Variants in SPATA7 observed in about 807,000 individuals in gnomAD.
SPATA7 encodes the protein spermatogenesis-associated protein 7.
A neutral mutation model predicts 51.8 loss-of-function variants in SPATA7; 43 were observed. The ratio of observed to expected loss-of-function variants is 0.83; its 90% CI spans 0.65 to 1.07. SPATA7 has a LOEUF of 1.07. Among genes scored for constraint, SPATA7 ranks in the 50% least tolerant of loss-of-function variants. SPATA7 has a pLI of 0.00. For synonymous variants in SPATA7, 230 were observed against 252.8 expected, an observed-to-expected ratio of 0.91 and a Z score of 0.86; for missense variants, 683 against 701.3, an observed-to-expected ratio of 0.97 and a Z score of 0.30.
intron 4 of SPATA7, among the ~76,000 whole-genome samples, chr14:88,461,993 A>T (rs532052679): frequency 5.9e-5 from 9 of 152,190 alleles, no homozygotes; most frequent in Admixed American, 2.6e-4. Flanking sequence ...AGTTTTTTCA[A>T]CCTGTTTGTT....
At chr14:88,395,256 T>A (rs1257379609) in intron 3 of SPATA7, among the ~76,000 whole-genome samples, 2 of 152,058 alleles carry the variant, frequency 1.3e-5, no homozygotes, top group Non-Finnish European at 2.9e-5. Flanking sequence ...CAGACCTTAT[T>A]TGAATTTCAC....
At chr14:88,464,497 G>T (rs1287854221) in intron 4 of SPATA7, among the ~76,000 whole-genome samples, 1 of 152,050 alleles carries the variant, frequency 6.6e-6, no homozygotes, top group Admixed American at 6.6e-5. Context: ...TTGGGAGGCC[G>T]ATGCTGGCAG....
chr14:88,385,680 G>T lies in SPATA7; in HGVS notation c.-139G>T, dbSNP rs1289503020. The T allele has an allele frequency of 4.8e-6, 4 of 829,694 alleles. No individual in the cohort carries two copies. The East Asian group carries it at 7.9e-5, about 16-fold the overall frequency. The allele number at this position is 829,694 out of a possible 1,614,324, so 51.4% of individuals were successfully genotyped here. ...TCACTGGACCCAGCCCTTAGCAACG[G>T]CCTGGCAACGGTTTCCCTGCTGCTG... On this transcript the variant is annotated 5_prime_UTR_variant, in exon 1 of 12. Coordinates refer to ENST00000393545, the MANE Select transcript of SPATA7 (RefSeq NM_018418.5).
chr14:88,428,244 A>G (rs2076849818), intron 7 of SPATA7: 1 of 152,018 alleles, frequency 6.6e-6, no homozygotes, highest in African/African-American at 2.4e-5. Context: ...TTTGAGTCTG[A>G]TTTTGAGATA....
At position 88,469,971 on chromosome 14, in the gene SPATA7, A is replaced by G; in HGVS notation, c.*104A>G. 4 of 1,614,078 alleles carry G rather than the reference A, an allele frequency of 2.5e-6. No individual in the cohort carries two copies. The highest frequency in any genetic ancestry group is 2.5e-6 in the Non-Finnish European group (3 of 1,179,950). On this transcript the variant is annotated 3_prime_UTR_variant, in exon 5 of 5. Transcript: ENST00000556406. This position sits in a 1 kb window ranked among gnomAD's most constrained non-coding sequence, Gnocchi z 4.3. ...AATTGCAATTCCCTGTTCCCATACCATCTGCCAAAAATCTTGACAGGTATT... is the reference window on the plus strand; with the variant it reads ...AATTGCAATTCCCTGTTCCCATACCGTCTGCCAAAAATCTTGACAGGTATT...
chr14:88,437,502 T>G lies in SPATA7; in HGVS notation c.1161-41T>G, dbSNP rs750739076. The G allele has an allele frequency of 3.5e-6, 5 of 1,430,202 alleles. No individual in the cohort carries two copies. The South Asian group carries it at 5.8e-5, about 17-fold the overall frequency. 88.6% of individuals were successfully genotyped at this position (1,430,202 alleles called of 1,614,324 possible). A position where few individuals can be genotyped will look rare whatever the true frequency, so the allele number is the denominator to read the frequency against. ...TAGCTAGTTTATATTTAGATGATTT[T>G]CTGATTTTGAGACATTAACATTTTT... is the stretch of plus-strand genomic sequence containing the variant. On this transcript the variant is annotated intron_variant, in intron 10 of 11. Coordinates refer to ENST00000393545, the MANE Select transcript of SPATA7 (RefSeq NM_018418.5).
At chr14:88,466,389 G>GAGTT (rs753543908) in intron 4 of SPATA7, 5 of 152,268 alleles carry the variant, frequency 3.3e-5, no homozygotes, top group African/African-American at 9.6e-5. Flanking sequence ...GGGTAAGGCA[G>GAGTT]AGTTAGGCTG....
chr14:88,446,204 A>C (rs2077211054), intron 3 of SPATA7, among the ~76,000 whole-genome samples: 1 of 152,124 alleles, frequency 6.6e-6, no homozygotes, highest in African/African-American at 2.4e-5. Context: ...TTCCTGGTTT[A>C]GTCTTGGGAG....
At chr14:88,463,548 G>A (rs1489066488) in intron 4 of SPATA7, among the ~76,000 whole-genome samples, 1 of 152,080 alleles carries the variant, frequency 6.6e-6, no homozygotes. Flanking sequence ...ATACAGATAC[G>A]GTTTGGTTCT....
intron 7 of SPATA7, chr14:88,427,965 A>T (rs903899796): frequency 1.4e-5 from 5 of 354,856 alleles, no homozygotes; most frequent in South Asian, 8.7e-5. Context: ...AAATGGAAGG[A>T]TCAGTAAAAT....
At chr14:88,470,120 A>G in exon 5 of SPATA7, 1 of 1,477,756 alleles carries the variant, frequency 6.8e-7, no homozygotes, top group South Asian at 1.2e-5. Context: ...GCATGCATTC[A>G]TGGTAGTACT....
At chr14:88,391,318 G>A (rs954768659) in intron 1 of SPATA7, 63 bp from the exon 2 acceptor site, 16 of 1,271,504 alleles carry the variant, frequency 1.3e-5, no homozygotes, top group Non-Finnish European at 1.7e-5. Context: ...ATTGAATATT[G>A]TTGTTTTTGT....
At chr14:88,459,285 TTC>T, downstream of SPATA7, among the ~76,000 whole-genome samples, 2 of 152,310 alleles carry the variant, frequency 1.3e-5, no homozygotes, top group East Asian at 3.9e-4. Context: ...CTTGTTAACT[TTC>T]TGTCTCGTTT....
chr14:88,424,207 A>C (rs1035753356), intron 5 of SPATA7, among the ~76,000 whole-genome samples: 1 of 152,196 alleles, frequency 6.6e-6, no homozygotes, highest in Admixed American at 6.5e-5. Context: ...AGTGTGTTAC[A>C]TATATTCTGC....
chr14:88,447,726 T>C (rs1417618504), intron 3 of SPATA7, among the ~76,000 whole-genome samples: 1 of 152,138 alleles, frequency 6.6e-6, no homozygotes, highest in Non-Finnish European at 1.5e-5. Context: ...AAGGATTTTA[T>C]TTCTCCTTCA....
chr14:88,447,682 G>A (rs2077224008), intron 3 of SPATA7, among the ~76,000 whole-genome samples: 1 of 151,470 alleles, frequency 6.6e-6, no homozygotes, highest in Non-Finnish European at 1.5e-5. Context: ...CAGGCCTGGT[G>A]GTGACAAAAT....
At chr14:88,438,460 A>ATAT (rs1566791743), downstream of SPATA7, 1 of 1,430,626 alleles carries the variant, frequency 7.0e-7, no homozygotes, top group South Asian at 1.2e-5. Context: ...CAGTAACTCA[A>ATAT]TATTACTTTT....
At chr14:88,393,560 C>T in intron 3 of SPATA7, 72 bp downstream of exon 3, 1 of 1,121,488 alleles carries the variant, frequency 8.9e-7, no homozygotes, top group South Asian at 1.3e-5. Context: ...TAAAATATAT[C>T]TATAGCAAAA....
chr14:88,429,772 AACC>A (rs2076891634), intron 8 of SPATA7, among the ~76,000 whole-genome samples: 1 of 152,154 alleles, frequency 6.6e-6, no homozygotes, highest in Non-Finnish European at 1.5e-5. Context: ...CAGTGATGCT[AACC>A]AGTTTACATG....
Sources: allele counts gnomAD v4.1 joint callset (sites outside exome capture counted in the v4.1 genomes callset), GRCh38; gene constraint gnomAD v4.1.1; non-coding constraint Gnocchi (gnomAD v3.1); transcripts MANE v1.5; gene names NCBI Gene and HGNC (gene_info 2026-07-23, HGNC 2026-07-21).